MYO7B: variants seen among roughly 807,000 people sequenced by gnomAD.
MYO7B encodes unconventional myosin-VIIb.
Under a neutral mutation model 259.7 loss-of-function variants are expected in MYO7B, and 212 were observed. The ratio of observed to expected loss-of-function variants is 0.82; its 90% CI spans 0.73 to 0.91. The LOEUF (loss-of-function observed/expected upper bound fraction) is 0.91, where lower values mean the gene tolerates loss of function less well. Among genes scored for constraint, MYO7B ranks in the 40% least tolerant of loss-of-function variants. The pLI, the probability that MYO7B is intolerant of heterozygous loss-of-function variation, is 0.00. For synonymous variants in MYO7B, 1,197 were observed against 1,166.4 expected, an observed-to-expected ratio of 1.03 and a Z score of -0.54; for missense variants, 2,732 against 2,813.5, an observed-to-expected ratio of 0.97 and a Z score of 0.66.
In MYO7B at chr2:127,607,747, C is replaced by T. The variant is rs773734577; in HGVS notation, c.2643+323C>T. On this transcript the variant is annotated intron_variant, in intron 21 of 47. Coordinates refer to ENST00000409816, the MANE Select transcript of MYO7B (RefSeq NM_001393586.1). The surrounding 1 kb of genome is among the most constrained non-coding windows in gnomAD (Gnocchi z 4.4). ...GAGCCGTGGCCACCACCCAGGAGCA[C>T]GCAGGGTATAGCATGGGAGAGGCAG... is the stretch of plus-strand genomic sequence containing the variant. 2.6e-5 allele frequency among the ~76,000 whole-genome samples: 4 copies of T among 152,192 alleles called. No homozygotes were observed. The highest frequency in any genetic ancestry group is 6.5e-5 in the Admixed American group (1 of 15,282).
rs1016854170 is a variant in MYO7B at position 127,559,929 on chromosome 2, C to T, written c.18+189C>T. Among the ~76,000 whole-genome samples the T allele has an allele frequency of 5.9e-5, 9 of 152,128 alleles. No individual in the cohort carries two copies. The highest frequency in any genetic ancestry group is 1.3e-4 in the Non-Finnish European group (9 of 68,034). ...AAGTTTGGCCAGCCACTGGCCTCGGCAATACATGTATAGTTATGTATAGTT... is the reference window on the plus strand; with the variant it reads ...AAGTTTGGCCAGCCACTGGCCTCGGTAATACATGTATAGTTATGTATAGTT... On this transcript the variant is annotated intron_variant, in intron 2 of 47. Coordinates refer to ENST00000409816, the MANE Select transcript of MYO7B (RefSeq NM_001393586.1). This position sits in a 1 kb window ranked among gnomAD's most constrained non-coding sequence, Gnocchi z 4.1.
In MYO7B at chr2:127,535,917, C is replaced by T. The variant is rs537386348; in HGVS notation, c.-24+86C>T. 2 of 152,620 alleles carry T rather than the reference C, an allele frequency of 1.3e-5. No individual in the cohort carries two copies. The highest frequency in any genetic ancestry group is 1.3e-4 in the Admixed American group (2 of 15,300). 9.5% of individuals were successfully genotyped at this position (152,620 alleles called of 1,614,324 possible). A position where few individuals can be genotyped will look rare whatever the true frequency, so the allele number is the denominator to read the frequency against. On this transcript the variant is annotated intron_variant, in intron 1 of 47. Transcript: ENST00000409816. The surrounding 1 kb of genome is among the most constrained non-coding windows in gnomAD (Gnocchi z 4.8). Reference sequence around the variant, plus strand: ...GGTCGCTGGGCAGGAGGCAGGTCCCCTGGAAATAAGATGGAACAGGTCTGA... The same window carrying T: ...GGTCGCTGGGCAGGAGGCAGGTCCCTTGGAAATAAGATGGAACAGGTCTGA...
At chr2:127,621,258 T>TTTTTTG (rs1558841719) in intron 27 of MYO7B, among the ~76,000 whole-genome samples, 1 of 150,936 alleles carries the variant, frequency 6.6e-6, no homozygotes. Context: ...CTGCAATTTT[T>TTTTTTG]TTTTTTGTTT....
chr2:127,545,733 C>T (rs559489990), intron 1 of MYO7B, among the ~76,000 whole-genome samples: 21 of 152,314 alleles, frequency 1.4e-4, no homozygotes, highest in African/African-American at 3.4e-4. Context: ...ATGTGCCTCA[C>T]GGGCTTATTG....
chr2:127,628,669 T>A lies in MYO7B; in HGVS notation c.4624+134T>A. The A allele has an allele frequency of 1.0e-6, 1 of 970,218 alleles. No homozygotes were observed. The highest frequency in any genetic ancestry group is 1.6e-5 in the African/African-American group (1 of 61,606). 60.1% of individuals were successfully genotyped at this position (970,218 alleles called of 1,614,324 possible). A position where few individuals can be genotyped will look rare whatever the true frequency, so the allele number is the denominator to read the frequency against. ...GCAGAGGGAGGGAAGGCCCCAAAGC[T>A]CTGTGGGGGCAGCTTTAGGCAAGGC... On this transcript the variant is annotated intron_variant, in intron 34 of 47. Transcript: ENST00000409816. The surrounding 1 kb of genome is among the most constrained non-coding windows in gnomAD (Gnocchi z 4.8).
At chr2:127,603,124 T>G (rs765675400) in intron 19 of MYO7B, among the ~76,000 whole-genome samples, 1 of 152,250 alleles carries the variant, frequency 6.6e-6, no homozygotes, top group Non-Finnish European at 1.5e-5. Flanking sequence ...CATATGCTGT[T>G]TCTTCCTCCA....
At chr2:127,637,032 C>T (rs962843594) in intron 47 of MYO7B, 119 bp downstream of exon 47, 21 of 1,494,538 alleles carry the variant, frequency 1.4e-5, no homozygotes, top group African/African-American at 4.2e-5. Context: ...AGGGCCCAGG[C>T]GGGGCCAGCA....
rs960686416 is a variant in MYO7B at position 127,559,167 on chromosome 2, C to G, written c.-23-533C>G. On this transcript the variant is annotated intron_variant, in intron 1 of 47. Transcript: ENST00000409816. This position sits in a 1 kb window ranked among gnomAD's most constrained non-coding sequence, Gnocchi z 4.1. The stretch of plus-strand genomic sequence containing the variant: ...ACTTGGGCCTGGCTGCCTGCTCCCT[C>G]TAGAACCACCAGGTGCTAAGGACAG... Among the ~76,000 whole-genome samples the G allele has an allele frequency of 1.2e-4, 19 of 152,228 alleles. No individual in the cohort carries two copies.
intron 6 of MYO7B, 104 bp downstream of exon 6, chr2:127,570,014 A>C: frequency 1.5e-6 from 2 of 1,334,892 alleles, no homozygotes; most frequent in African/African-American, 1.5e-5. Context: ...ACCTTCAGCA[A>C]CTCCTCCAGA....
Position 127,636,385 on chromosome 2 carries a change from G to A in MYO7B, c.6123+61G>A, listed in dbSNP as rs2105156777. Reference sequence around the variant, plus strand: ...GCAGGCTCCGCTCAGCCCAGCCCCAGCAGGCCCAGCGTCAACCAGCACACA... The same window carrying A: ...GCAGGCTCCGCTCAGCCCAGCCCCAACAGGCCCAGCGTCAACCAGCACACA... On this transcript the variant is annotated intron_variant, in intron 45 of 47. Coordinates refer to ENST00000409816, the MANE Select transcript of MYO7B (RefSeq NM_001393586.1). The surrounding 1 kb of genome is among the most constrained non-coding windows in gnomAD (Gnocchi z 4.5). 3.9e-6 allele frequency: 6 copies of A among 1,522,232 alleles called. No individual in the cohort carries two copies. The highest frequency in any genetic ancestry group is 2.3e-5 in the East Asian group (1 of 44,088). The allele number at this position is 1,522,232 out of a possible 1,614,324, so 94.3% of individuals were successfully genotyped here.
chr2:127,572,480 CTTCCT>C (rs1029903465), intron 6 of MYO7B, among the ~76,000 whole-genome samples: 1 of 147,914 alleles, frequency 6.8e-6, no homozygotes. Context: ...TTTCTCCTTC[CTTCCT>C]TTCTTTTTCT....
chr2:127,621,715 A>G (rs1249724868), intron 27 of MYO7B, among the ~76,000 whole-genome samples: 1 of 152,182 alleles, frequency 6.6e-6, no homozygotes, highest in East Asian at 1.9e-4. Context: ...GGCCATCACA[A>G]TCAAAAACCA....
chr2:127,606,431 G>A (rs1466121237), intron 20 of MYO7B, among the ~76,000 whole-genome samples: 1 of 152,236 alleles, frequency 6.6e-6, no homozygotes, highest in African/African-American at 2.4e-5. Context: ...GGTCACATCA[G>A]CAAGACTGGC....
intron 26 of MYO7B, among the ~76,000 whole-genome samples, chr2:127,616,481 A>G (rs1282604664): frequency 6.6e-6 from 1 of 152,246 alleles, no homozygotes; most frequent in African/African-American, 2.4e-5. Context: ...AGGCCTTGTG[A>G]TATCACCACC....
In MYO7B at chr2:127,593,597, C is replaced by T. The variant is rs762344481; in HGVS notation, c.2197C>T (p.Arg733Trp). 9 of 1,613,676 alleles carry T rather than the reference C, an allele frequency of 5.6e-6. No homozygotes were observed. The highest frequency in any genetic ancestry group is 1.3e-5 in the African/African-American group (1 of 75,050). Reference sequence around the variant, plus strand: ...CCTGGGCATCACTGACGTGTGGCTGCGGACAGACAAAGACTGGAAAGCGGG... The same window carrying T: ...CCTGGGCATCACTGACGTGTGGCTGTGGACAGACAAAGACTGGAAAGCGGG... Reference protein sequence around the residue: ...MTLGITDVWLRTDKDWKAGKT... With the variant: ...MTLGITDVWLWTDKDWKAGKT... Residue 733 changes from arginine (R) to tryptophan (W), a missense_variant, in exon 18 of 48, where the codon CGG becomes TGG. Coordinates refer to ENST00000409816, the MANE Select transcript of MYO7B (RefSeq NM_001393586.1).
intron 18 of MYO7B, among the ~76,000 whole-genome samples, chr2:127,595,942 GT>G (rs570185298): frequency 2.0e-5 from 3 of 152,140 alleles, no homozygotes; most frequent in Non-Finnish European, 4.4e-5. Flanking sequence ...ATACTCTGTT[GT>G]TTTGGGGTGG....
rs887103092 is a variant in MYO7B at position 127,596,741 on chromosome 2, T to C, written c.2339+185T>C. Among the ~76,000 whole-genome samples, 116 of 152,182 alleles carry C rather than the reference T, an allele frequency of 7.6e-4. 1 individual carries two copies. The highest frequency in any genetic ancestry group is 2.6e-3 in the African/African-American group (108 of 41,448). The stretch of plus-strand genomic sequence containing the variant: ...TTGGCCAGAGAATTCAGATACATTA[T>C]TGGAATGTTTGGAAAAAACAAAAAA... On this transcript the variant is annotated intron_variant, in intron 19 of 47. Coordinates refer to ENST00000409816, the MANE Select transcript of MYO7B (RefSeq NM_001393586.1).
chr2:127,551,535 A>G (rs1171534123), intron 1 of MYO7B, among the ~76,000 whole-genome samples: 1 of 152,244 alleles, frequency 6.6e-6, no homozygotes, highest in African/African-American at 2.4e-5. Flanking sequence ...TGGCAAAAGC[A>G]AATCACTAAG....
In MYO7B at chr2:127,584,801, A is replaced by C; in HGVS notation, c.1578A>C (p.Gln526His). ...FPQGTDLTML[Q>H]KLNSVHANNK... is the part of the protein sequence containing the mutation. ...AGGGGACAGATCTCACCATGCTGCA[A>C]AAGCTGAACAGCGTCCATGCCAACA... is the stretch of plus-strand genomic sequence containing the variant. The change falls in exon 14 of 48, where the codon CAA (glutamine) becomes CAC (histidine). Residue 526 changes from glutamine (Q) to histidine (H), a missense_variant. By Grantham distance (24) the Gln-to-His change is conservative. Transcript: ENST00000409816. This position sits in a 1 kb window ranked among gnomAD's most constrained non-coding sequence, Gnocchi z 5.8. 6.2e-7 allele frequency: 1 copy of C among 1,613,960 alleles called. No homozygotes were observed. Among genetic ancestry groups the C allele is most frequent in the Non-Finnish European group, 8.5e-7 (1 of 1,179,864 alleles).
Sources: gnomAD v4.1 joint callset for allele counts (sites outside exome capture counted in the v4.1 genomes callset) on GRCh38, gnomAD v4.1.1 for gene constraint, Gnocchi (gnomAD v3.1) non-coding constraint, MANE v1.5 for transcripts, NCBI Gene and HGNC (gene_info 2026-07-23, HGNC 2026-07-21) for gene names.